KRT37: variants seen among roughly 807,000 people sequenced by gnomAD.
The protein encoded by KRT37 is keratin 37, also known as keratin, type I cuticular Ha7.
A neutral mutation model predicts 41.9 loss-of-function variants in KRT37; 38 were observed. The ratio of observed to expected loss-of-function variants is 0.91; its 90% CI spans 0.70 to 1.19. KRT37 has a LOEUF of 1.19. KRT37 is among the 50% of genes most tolerant of loss of function. The pLI is 0.00. For missense variants in KRT37, 580 were observed against 575.5 expected, an observed-to-expected ratio of 1.01 and a Z score of -0.08; for synonymous variants, 252 against 243.4, an observed-to-expected ratio of 1.04 and a Z score of -0.33.
chr17:41,422,976 T>A lies in KRT37; in HGVS notation c.576-42A>T, dbSNP rs192265559. Reference sequence around the variant, plus strand: ...CACAGGGTCAAAAAGAATGCCCCAATAGCCCCTCTCAGCTGCCCTGGCTTC... The same window carrying A: ...CACAGGGTCAAAAAGAATGCCCCAAAAGCCCCTCTCAGCTGCCCTGGCTTC... On this transcript the variant is annotated intron_variant, in intron 2 of 6. Coordinates refer to ENST00000225550, the MANE Select transcript of KRT37 (RefSeq NM_003770.5). The A allele has an allele frequency of 5.0e-6, 8 of 1,588,006 alleles. No homozygotes were observed. In the Admixed American group the frequency reaches 1.4e-4, roughly 27 times the overall value.
chr17:41,420,801 A>G lies in KRT37; in HGVS notation c.*77T>C. 1.1e-6 allele frequency: 1 copy of G among 933,884 alleles called. No homozygotes were observed. Among genetic ancestry groups the G allele is most frequent in the Admixed American group, 2.1e-5 (1 of 46,692 alleles). 57.8% of individuals were successfully genotyped at this position (933,884 alleles called of 1,614,324 possible). On this transcript the variant is annotated 3_prime_UTR_variant, in exon 7 of 7. Transcript: ENST00000225550. ...AAATGCCTCAGTGAGTCTAGTCTTG[A>G]AGGAAGACTGGGCAAGGTGAGGGCA...
rs374352382 is a variant in KRT37 at position 41,422,088 on chromosome 17, C to A, written c.1001G>T (p.Arg334Leu). 1 of 1,614,186 alleles carries A rather than the reference C, an allele frequency of 6.2e-7. No homozygotes were observed. Among genetic ancestry groups the A allele is most frequent in the Non-Finnish European group, 8.5e-7 (1 of 1,180,030 alleles). ...RCTVNALEVE[R>L]QAQHTLKDCL... ...ACGTACCAAGGTGTGCTGGGCTTGG[C>A]GCTCCACCTCCAGGGCATTCACCGT... The change falls in exon 5 of 7, where the codon CGC becomes CTC. Residue 334 changes from arginine to leucine, a missense_variant. By Grantham distance (102) the Arg-to-Leu change is moderately radical (BLOSUM62 -2). Coordinates refer to ENST00000225550, the MANE Select transcript of KRT37 (RefSeq NM_003770.5).
chr17:41,424,197 C>A lies in KRT37; in HGVS notation c.327G>T (p.Lys109Asn), dbSNP rs770142196. ...TLNGHEKETMKFLNDRLANYL... is the reference protein window; with the variant it reads ...TLNGHEKETMNFLNDRLANYL... ...AGTTGGCCAGGCGGTCATTCAGGAACTTCATGGTCTCCTTCTCATGGCCAT... is the reference window on the plus strand; with the variant it reads ...AGTTGGCCAGGCGGTCATTCAGGAAATTCATGGTCTCCTTCTCATGGCCAT... The change falls in exon 1 of 7, where the codon AAG (lysine) becomes AAT (asparagine). Residue 109 changes from lysine to asparagine, a missense_variant. Coordinates refer to ENST00000225550, the MANE Select transcript of KRT37 (RefSeq NM_003770.5). The A allele has an allele frequency of 1.2e-6, 2 of 1,614,124 alleles. No individual in the cohort carries two copies. The highest frequency in any genetic ancestry group is 1.7e-6 in the Non-Finnish European group (2 of 1,180,050).
chr17:41,421,510 A>G lies in KRT37; in HGVS notation c.1098T>C (p.Ile366=), dbSNP rs780920832. 4 of 1,614,068 alleles carry G rather than the reference A, an allele frequency of 2.5e-6. No homozygotes were observed. The East Asian group carries it at 6.7e-5, about 27-fold the overall frequency. Residue 366 remains isoleucine (I), a synonymous_variant, in exon 6 of 7, where the codon ATT becomes ATC. Coordinates refer to ENST00000225550, the MANE Select transcript of KRT37 (RefSeq NM_003770.5). ...CAGACAACTGCTCTTCCAAGTTGCTAATGAGGCTCTGCATCTGGGCCAGCT... is the reference window on the plus strand; with the variant it reads ...CAGACAACTGCTCTTCCAAGTTGCTGATGAGGCTCTGCATCTGGGCCAGCT... ...GTELAQMQSL[I]SNLEEQLSEI...
intron 1 of KRT37, 77 bp downstream of exon 1, chr17:41,423,955 T>A (rs1468190384): frequency 1.2e-6 from 2 of 1,603,996 alleles, no homozygotes; most frequent in East Asian, 4.5e-5. Flanking sequence ...CAAAGCTCTC[T>A]GGACCTTATG....
At chr17:41,422,560 C>A in intron 3 of KRT37, 126 bp from the exon 4 acceptor site, 2 of 1,403,856 alleles carry the variant, frequency 1.4e-6, no homozygotes, top group Non-Finnish European at 2.0e-6. Flanking sequence ...ATGGGAAAGT[C>A]TTGTCCAGAG....
chr17:41,421,502 A>G lies in KRT37; in HGVS notation c.1106T>C (p.Leu369Ser), dbSNP rs1016556000. The G allele has an allele frequency of 6.2e-7, 1 of 1,614,064 alleles. No individual in the cohort carries two copies. The highest frequency in any genetic ancestry group is 8.5e-7 in the Non-Finnish European group (1 of 1,180,032). ...CCGGATCTCAGACAACTGCTCTTCC[A>G]AGTTGCTAATGAGGCTCTGCATCTG... ...LAQMQSLISN[L>S]EEQLSEIRAD... Residue 369 changes from leucine (L) to serine (S), a missense_variant, in exon 6 of 7, where the codon TTG becomes TCG. By Grantham distance (145) the Leu-to-Ser change is moderately radical. Transcript: ENST00000225550.
Position 41,424,428 on chromosome 17 carries a change from G to A in KRT37, c.96C>T (p.Cys32=). The change falls in exon 1 of 7, where the codon TGC becomes TGT. Residue 32 remains cysteine, a synonymous_variant. Transcript: ENST00000225550. ...CAGCATTGGCCTCTGCCACAGGCTG[G>A]CACCCAACATCGATAGGAGAGACAA... ...NVFVSPIDVG[C]QPVAEANAAS... 6.2e-7 allele frequency: 1 copy of A among 1,612,258 alleles called. No homozygotes were observed. The highest frequency in any genetic ancestry group is 8.5e-7 in the Non-Finnish European group (1 of 1,178,564).
intron 3 of KRT37, 133 bp from the exon 4 acceptor site, chr17:41,422,567 A>G: frequency 7.2e-7 from 1 of 1,382,252 alleles, no homozygotes; most frequent in South Asian, 1.3e-5. Flanking sequence ...AGTCTTGTCC[A>G]GAGTGCATTT....
intron 2 of KRT37, 57 bp from the exon 3 acceptor site, chr17:41,422,991 G>T: frequency 1.9e-6 from 3 of 1,565,262 alleles, no homozygotes; most frequent in Admixed American, 1.8e-5. Flanking sequence ...CCTCTCAGCT[G>T]CCCTGGCTTC....
chr17:41,422,558 G>A (rs9893139), intron 3 of KRT37, 124 bp from the exon 4 acceptor site: 45,640 of 1,402,388 alleles, frequency 0.033, 1,515 homozygotes, highest in African/African-American at 0.16. Flanking sequence ...AAATGGGAAA[G>A]TCTTGTCCAG....
intron 3 of KRT37, 87 bp downstream of exon 3, chr17:41,422,691 C>T: frequency 7.4e-7 from 1 of 1,359,214 alleles, no homozygotes; most frequent in South Asian, 1.5e-5. Context: ...CAGCTGAGCC[C>T]AGGCAATGCT....
At chr17:41,421,649 T>TG in intron 5 of KRT37, 62 bp from the exon 6 acceptor site, 2 of 1,519,710 alleles carry the variant, frequency 1.3e-6, no homozygotes, top group Non-Finnish European at 1.8e-6. Context: ...GTGAAAATCA[T>TG]GACCAAACTC....
At position 41,420,980 on chromosome 17, in the gene KRT37, G is replaced by A. The variant is rs2018531970; in HGVS notation, c.1248C>T (p.Pro416=). 6.2e-7 allele frequency: 1 copy of A among 1,611,558 alleles called. No homozygotes were observed. The highest frequency in any genetic ancestry group is 2.2e-5 in the East Asian group (1 of 44,866). ...NLLESEDCKL[P]CNPCSTPASC... ...AGGCAGGCGTGGAACAGGGATTGCAGGGGAGTCTGCAGGGAGAGAAAGAAG... is the reference window on the plus strand; with the variant it reads ...AGGCAGGCGTGGAACAGGGATTGCAAGGGAGTCTGCAGGGAGAGAAAGAAG... Residue 416 remains proline, a synonymous_variant, in exon 7 of 7, where the codon CCC becomes CCT. Transcript: ENST00000225550.
Position 41,423,742 on chromosome 17 carries a change from C to T in KRT37, c.575+20G>A, listed in dbSNP as rs1473209864. The T allele has an allele frequency of 1.2e-6, 2 of 1,609,608 alleles. No individual in the cohort carries two copies. The highest frequency in any genetic ancestry group is 1.3e-5 in the African/African-American group (1 of 74,872). On this transcript the variant is annotated intron_variant, in intron 2 of 6. Coordinates refer to ENST00000225550, the MANE Select transcript of KRT37 (RefSeq NM_003770.5). ...TACAGCAGGAGAGAAGTCACACTGA[C>T]CCTCCTCATCCTGACTTACTTGATC...
chr17:41,423,852 A>G lies in KRT37; in HGVS notation c.493-8T>C. ...AGCCTTGCTGCACAGGATCTGAGGA[A>G]AACGGAAAGACGGTTCACACACAAA... On this transcript the variant is annotated splice_polypyrimidine_tract_variant and splice_region_variant and intron_variant, in intron 1 of 6. Transcript: ENST00000225550. The G allele has an allele frequency of 6.2e-7, 1 of 1,614,140 alleles. No individual in the cohort carries two copies.
chr17:41,422,122 G>A lies in KRT37; in HGVS notation c.967C>T (p.Leu323=). ...LQCCQSEILE[L]RCTVNALEVE... The stretch of plus-strand genomic sequence containing the variant: ...TCCAGGGCATTCACCGTGCATCTCA[G>A]CTCCAGGATCTCCGACTGGCAGCAC... The change falls in exon 5 of 7, where the codon CTG becomes TTG. Residue 323 remains leucine (L), a synonymous_variant. Coordinates refer to ENST00000225550, the MANE Select transcript of KRT37 (RefSeq NM_003770.5). 1.2e-6 allele frequency: 2 copies of A among 1,614,216 alleles called. No homozygotes were observed. Among genetic ancestry groups the A allele is most frequent in the Non-Finnish European group, 1.7e-6 (2 of 1,180,032 alleles).
At position 41,421,428 on chromosome 17, in the gene KRT37, T is replaced by A; in HGVS notation, c.1180A>T (p.Lys394Ter). The change falls in exon 6 of 7, where the codon AAG (lysine) becomes TAG (stop). Residue 394 changes from lysine (K) to a stop codon, truncating the protein, a stop_gained. Transcript: ENST00000225550. LOFTEE classifies it high-confidence loss of function. ...GCAATCTCGTTCTCCAACCGGGCCT[T>A]CACGTCCAGCAGCACCTGGTACTCC... The part of the protein sequence containing the change: ...NQEYQVLLDV[K>*]ARLENEIATY... The A allele has an allele frequency of 6.2e-7, 1 of 1,614,218 alleles. No homozygotes were observed. Among genetic ancestry groups the A allele is most frequent in the African/African-American group, 1.3e-5 (1 of 75,064 alleles).
chr17:41,422,874 C>T lies in KRT37; in HGVS notation c.636G>A (p.Lys212=). 1 of 1,614,170 alleles carries T rather than the reference C, an allele frequency of 6.2e-7. No individual in the cohort carries two copies. The highest frequency in any genetic ancestry group is 8.5e-7 in the Non-Finnish European group (1 of 1,180,030). ...LVEADKCGTQ[K]LLDDATLAKA... is the part of the protein sequence containing the mutation. ...TGGCCAGGGTCGCGTCATCCAGGAG[C>T]TTCTGCGTCCCGCACTTGTCCGCCT... Residue 212 remains lysine, a synonymous_variant, in exon 3 of 7, where the codon AAG becomes AAA. Coordinates refer to ENST00000225550, the MANE Select transcript of KRT37 (RefSeq NM_003770.5).
Sources: gnomAD v4.1 joint callset for allele counts on GRCh38, gnomAD v4.1.1 for gene constraint, MANE v1.5 for transcripts, NCBI Gene and HGNC (gene_info 2026-07-23, HGNC 2026-07-21) for gene names.